The following NCAPG2 variants were observed in gnomAD, a reference collection of about 807,000 sequenced individuals.
NCAPG2 encodes the protein non-SMC condensin II complex subunit G2.
NCAPG2 carries 53 observed loss-of-function variants against 141.1 expected under a neutral mutation model. That is an observed-to-expected ratio of 0.38 (90% CI 0.30 to 0.47). The LOEUF is 0.47. Among genes scored for constraint, NCAPG2 ranks in the 20% least tolerant of loss-of-function variants. The pLI is 0.99. For synonymous variants in NCAPG2, 499 were observed against 490.7 expected (o/e 1.02, Z -0.22); for missense variants, 1,087 against 1,389.0 (o/e 0.78, Z 3.46).
intron 13 of NCAPG2, among the ~76,000 whole-genome samples, chr7:158,666,311 G>T (rs1178671519): frequency 1.3e-5 from 2 of 152,144 alleles, no homozygotes; most frequent in African/African-American, 2.4e-5. Context: ...GCCCCAACGG[G>T]TGGTTACTTC....
chr7:158,692,164 C>A (rs1277568958), intron 4 of NCAPG2, among the ~76,000 whole-genome samples: 1 of 152,002 alleles, frequency 6.6e-6, no homozygotes, highest in Non-Finnish European at 1.5e-5. Context: ...CAAAACAAAA[C>A]AAAACAAAAA....
At chr7:158,664,876 C>T (rs1032968879) in intron 13 of NCAPG2, 126 bp from the exon 14 acceptor site, 10 of 704,356 alleles carry the variant, frequency 1.4e-5, no homozygotes, top group African/African-American at 9.0e-5. Context: ...AAATTCACTT[C>T]GAATGACTAC....
intron 13 of NCAPG2, among the ~76,000 whole-genome samples, chr7:158,665,859 C>T (rs1394920361): frequency 6.6e-6 from 1 of 152,216 alleles, no homozygotes; most frequent in African/African-American, 2.4e-5. Context: ...TCTGCAGCAT[C>T]TGACACTGTC....
intron 2 of NCAPG2, among the ~76,000 whole-genome samples, chr7:158,699,022 G>A (rs1345415728): frequency 1.3e-5 from 2 of 151,938 alleles, no homozygotes; most frequent in Non-Finnish European, 2.9e-5. Flanking sequence ...GGCCTCAAAC[G>A]ATCCTCCTGC....
chr7:158,658,163 A>AG (rs1403321790), intron 17 of NCAPG2, among the ~76,000 whole-genome samples, 175 bp downstream of exon 17: 21 of 151,926 alleles, frequency 1.4e-4, no homozygotes, highest in South Asian at 6.2e-4. Flanking sequence ...AAAAAAAAAA[A>AG]AAAGAAAATC....
At chr7:158,657,009 C>T (rs1347244048) in intron 17 of NCAPG2, among the ~76,000 whole-genome samples, 2 of 152,178 alleles carry the variant, frequency 1.3e-5, no homozygotes, top group Non-Finnish European at 1.5e-5. Context: ...AGAGTTTCTA[C>T]TTTTGAAGAA....
chr7:158,661,119 CTGCTTTCACGTCAGAGGCAGACAGGCCA>C (rs1219746598), intron 16 of NCAPG2, among the ~76,000 whole-genome samples: 16 of 152,132 alleles, frequency 1.1e-4, no homozygotes, highest in African/African-American at 3.4e-4. Context: ...CTAATACAAT[CTGCTTTCACGTCAGAGGCAGACAGGCCA>C]TGCTTTCACG....
intron 3 of NCAPG2, 130 bp from the exon 4 acceptor site, chr7:158,693,086 G>T: frequency 2.4e-6 from 2 of 819,432 alleles, no homozygotes; most frequent in Middle Eastern, 3.7e-4. Context: ...AAGAATTAAA[G>T]TTGAATAAAA....
chr7:158,684,716 T>C (rs1260249170), intron 8 of NCAPG2, among the ~76,000 whole-genome samples: 2 of 152,218 alleles, frequency 1.3e-5, no homozygotes, highest in African/African-American at 2.4e-5. Flanking sequence ...AAATAGTTTT[T>C]ATTTTGTTTA....
intron 27 of NCAPG2, among the ~76,000 whole-genome samples, chr7:158,635,028 C>T (rs927501880): frequency 3.3e-5 from 5 of 152,172 alleles, no homozygotes; most frequent in Non-Finnish European, 7.3e-5. Context: ...AAAACTTCGC[C>T]ACCTTTCCTT....
At chr7:158,665,491 C>G (rs1048145503) in intron 13 of NCAPG2, 2 of 152,246 alleles carry the variant, frequency 1.3e-5, no homozygotes, top group Non-Finnish European at 2.9e-5. Flanking sequence ...GGGCTCCTCA[C>G]CTGCATGGTG....
chr7:158,699,611 G>A (rs751876007), intron 2 of NCAPG2, among the ~76,000 whole-genome samples: 6 of 152,028 alleles, frequency 3.9e-5, no homozygotes, highest in Non-Finnish European at 2.9e-5. Flanking sequence ...ACCCTCCCCA[G>A]GCCCACCGTG....
intron 8 of NCAPG2, 64 bp from the exon 9 acceptor site, chr7:158,683,450 C>T (rs1310362494): frequency 8.2e-7 from 1 of 1,226,450 alleles, no homozygotes; most frequent in African/African-American, 1.6e-5. Context: ...ACCTGACAAG[C>T]AGTGCGGCAT....
intron 27 of NCAPG2, among the ~76,000 whole-genome samples, chr7:158,636,754 T>C (rs59823253): frequency 1.4e-4 from 21 of 152,204 alleles, no homozygotes; most frequent in African/African-American, 4.6e-4. Flanking sequence ...TGTTACTACA[T>C]CCTGTGAAAA....
At chr7:158,631,836 G>T in intron 27 of NCAPG2, 119 bp from the exon 28 acceptor site, 1 of 788,086 alleles carries the variant, frequency 1.3e-6, no homozygotes, top group Non-Finnish European at 2.1e-6. Context: ...AAACAAAGTT[G>T]AAATAATCTA....
At chr7:158,698,771 T>C (rs1252124245) in intron 2 of NCAPG2, among the ~76,000 whole-genome samples, 1 of 151,166 alleles carries the variant, frequency 6.6e-6, no homozygotes, top group African/African-American at 2.4e-5. Flanking sequence ...CCACTTGCTT[T>C]ATCAGTAGTA....
chr7:158,667,026 T>G (rs2129461158), intron 13 of NCAPG2: 1 of 653,112 alleles, frequency 1.5e-6, no homozygotes, highest in Non-Finnish European at 1.9e-6. Flanking sequence ...GACAATGCCC[T>G]CCCGTCAGCT....
chr7:158,664,900 A>G, intron 13 of NCAPG2, 150 bp from the exon 14 acceptor site: 1 of 649,542 alleles, frequency 1.5e-6, no homozygotes, highest in Non-Finnish European at 2.6e-6. Flanking sequence ...AAAATCTGTG[A>G]CTTTCTGTAG....
intron 27 of NCAPG2, among the ~76,000 whole-genome samples, chr7:158,639,207 A>G (rs1299961387): frequency 1.3e-5 from 2 of 152,004 alleles, no homozygotes; most frequent in African/African-American, 4.8e-5. Flanking sequence ...TCCTGGGCTC[A>G]AGTGATCCTC....
Sources: gnomAD v4.1 joint callset for allele counts (sites outside exome capture counted in the v4.1 genomes callset) on GRCh38, gnomAD v4.1.1 for gene constraint, MANE v1.5 for transcripts, NCBI Gene and HGNC (gene_info 2026-07-23, HGNC 2026-07-21) for gene names.